PXDNL: variants seen among roughly 807,000 people sequenced by gnomAD.
The protein encoded by PXDNL is probable oxidoreductase PXDNL.
A neutral mutation model predicts 150.8 loss-of-function variants in PXDNL; 145 were observed. The observed-to-expected ratio is 0.96, with a 90% confidence interval of 0.84 to 1.10. PXDNL has a LOEUF of 1.10. Ranked by LOEUF, PXDNL falls within the 50% of genes least tolerant of loss-of-function variation. PXDNL has a pLI of 0.00. For missense variants in PXDNL, 2,087 were observed against 1,873.9 expected, an observed-to-expected ratio of 1.11 and a Z score of -2.10; for synonymous variants, 757 against 725.7, an observed-to-expected ratio of 1.04 and a Z score of -0.69.
chr8:51,613,972 T>G (rs1442821990), intron 2 of PXDNL, among the ~76,000 whole-genome samples: 1 of 152,202 alleles, frequency 6.6e-6, no homozygotes, highest in Admixed American at 6.5e-5. Context: ...TGAAAGAAAG[T>G]GTGCTGAAGC....
At chr8:51,456,930 C>T (rs979332327) in intron 9 of PXDNL, among the ~76,000 whole-genome samples, 1 of 152,302 alleles carries the variant, frequency 6.6e-6, no homozygotes, top group Non-Finnish European at 1.5e-5. Context: ...TGAATTATGG[C>T]TATCATCTAA....
At chr8:51,755,346 G>A (rs1255291558) in intron 1 of PXDNL, among the ~76,000 whole-genome samples, 1 of 151,354 alleles carries the variant, frequency 6.6e-6, no homozygotes, top group Non-Finnish European at 1.5e-5. Context: ...CCAGGCTGGA[G>A]TGCAGGGGCA....
chr8:51,692,681 A>C (rs577273878), intron 1 of PXDNL, among the ~76,000 whole-genome samples: 1 of 152,332 alleles, frequency 6.6e-6, no homozygotes, highest in East Asian at 1.9e-4. Context: ...CCATGCCAAC[A>C]CCGTAATTCT....
intron 17 of PXDNL, among the ~76,000 whole-genome samples, chr8:51,376,599 C>T (rs6986369): frequency 0.047 from 7,216 of 151,928 alleles, 541 homozygotes; most frequent in African/African-American, 0.16. Context: ...TTTCACGAAA[C>T]GAATTTCTGG....
At chr8:51,350,697 A>G (rs1177478863) in intron 19 of PXDNL, among the ~76,000 whole-genome samples, 1 of 152,120 alleles carries the variant, frequency 6.6e-6, no homozygotes, top group African/African-American at 2.4e-5. Context: ...ACACCCGCAC[A>G]CGTGGTGACA....
intron 1 of PXDNL, among the ~76,000 whole-genome samples, chr8:51,777,963 C>G (rs1293338915): frequency 6.6e-6 from 1 of 151,936 alleles, no homozygotes; most frequent in Non-Finnish European, 1.5e-5. Flanking sequence ...TTGGAAAATA[C>G]AAAAGGAACA....
chr8:51,793,755 G>A (rs1365286585), intron 1 of PXDNL, among the ~76,000 whole-genome samples: 1 of 151,960 alleles, frequency 6.6e-6, no homozygotes, highest in Non-Finnish European at 1.5e-5. Flanking sequence ...TGGGCGTGGT[G>A]ACTGACACAT....
rs59230172 is a variant in PXDNL, at chr8:51,559,330, A to ACC, written c.309-2421_309-2420dup. Among the ~76,000 whole-genome samples the ACC allele has an allele frequency of 1.1e-3, 111 of 97,994 alleles. 1 individual carries two copies. The East Asian group carries it at 0.017, about 15-fold the overall frequency. The allele number at this position is 97,994 out of a possible 152,430, so 64.3% of individuals were successfully genotyped here. ...TTTGGCTTATTTTTGTTTCTTCCAA[A>ACC]CCCCCCCCCCCCCCGCCACCTTCTT... On this transcript the variant is annotated intron_variant, in intron 3 of 22. Coordinates refer to ENST00000356297, the MANE Select transcript of PXDNL (RefSeq NM_144651.5).
intron 1 of PXDNL, among the ~76,000 whole-genome samples, chr8:51,669,626 T>TAC (rs1299101370): frequency 1.3e-5 from 2 of 152,142 alleles, no homozygotes; most frequent in Non-Finnish European, 2.9e-5. Flanking sequence ...GGCATACACA[T>TAC]ACACACAACA....
In PXDNL at chr8:51,704,612, TTC is replaced by T. The variant is rs1816323530; in HGVS notation, c.165-49854_165-49853del. Among the ~76,000 whole-genome samples, 3 of 152,338 alleles carry T rather than the reference TTC, an allele frequency of 2.0e-5. No homozygotes were observed. In the South Asian group the frequency reaches 6.2e-4, roughly 32 times the overall value. ...GACTCCCATCAGCAGTGTATAACACTTCTCATTGCTCCACATGGATGACCACA... is the reference window on the plus strand; with the variant it reads ...GACTCCCATCAGCAGTGTATAACACTTCATTGCTCCACATGGATGACCACA... On this transcript the variant is annotated intron_variant, in intron 1 of 22. Transcript: ENST00000356297.
intron 8 of PXDNL, among the ~76,000 whole-genome samples, chr8:51,471,850 C>G (rs966648321): frequency 2.6e-5 from 4 of 152,030 alleles, no homozygotes; most frequent in Admixed American, 6.5e-5. Context: ...CCACGCCCAG[C>G]TAATTTTTTG....
At chr8:51,464,020 TAAA>T (rs5891415) in intron 8 of PXDNL, among the ~76,000 whole-genome samples, 7 of 132,714 alleles carry the variant, frequency 5.3e-5, no homozygotes, top group African/African-American at 1.0e-4. Context: ...CTAAAGGAAC[TAAA>T]AAAAAAAAAA....
At chr8:51,808,821 C>G (rs1297383781) in intron 1 of PXDNL, among the ~76,000 whole-genome samples, 1 of 152,058 alleles carries the variant, frequency 6.6e-6, no homozygotes, top group African/African-American at 2.4e-5. Flanking sequence ...GGGGCAGACA[C>G]GTGCTGACCA....
intron 14 of PXDNL, among the ~76,000 whole-genome samples, chr8:51,415,159 T>C (rs1808762472): frequency 6.6e-6 from 1 of 152,172 alleles, no homozygotes; most frequent in Non-Finnish European, 1.5e-5. Flanking sequence ...AAATTATAAT[T>C]GAAATCCACA....
chr8:51,690,284 A>C (rs1374508808), intron 1 of PXDNL, among the ~76,000 whole-genome samples: 2 of 152,114 alleles, frequency 1.3e-5, no homozygotes, highest in Admixed American at 1.3e-4. Flanking sequence ...CTTGTCATTT[A>C]GCATTAGGTA....
chr8:51,652,257 C>A (rs1815055646), intron 2 of PXDNL, among the ~76,000 whole-genome samples: 1 of 152,068 alleles, frequency 6.6e-6, no homozygotes, highest in Admixed American at 6.6e-5. Flanking sequence ...GTCCTTATTT[C>A]TTTTGCTTTT....
At chr8:51,529,314 C>T (rs891345153) in intron 4 of PXDNL, among the ~76,000 whole-genome samples, 3 of 152,166 alleles carry the variant, frequency 2.0e-5, no homozygotes, top group Non-Finnish European at 4.4e-5. Context: ...CTTCTGCCTC[C>T]ATGTTTGCAC....
At chr8:51,437,275 A>G (rs1351508898) in intron 12 of PXDNL, among the ~76,000 whole-genome samples, 1 of 152,230 alleles carries the variant, frequency 6.6e-6, no homozygotes, top group Admixed American at 6.5e-5. Flanking sequence ...AAGAATTGGT[A>G]TCACTCTTAT....
At chr8:51,394,880 A>G (rs1456517486) in intron 17 of PXDNL, among the ~76,000 whole-genome samples, 2 of 152,174 alleles carry the variant, frequency 1.3e-5, no homozygotes, top group Admixed American at 6.5e-5. Flanking sequence ...TGTGGAATAC[A>G]AGGTGTATTT....
Sources: allele counts gnomAD v4.1 joint callset (sites outside exome capture counted in the v4.1 genomes callset), GRCh38; gene constraint gnomAD v4.1.1; transcripts MANE v1.5; gene names NCBI Gene and HGNC (gene_info 2026-07-23, HGNC 2026-07-21).